CCDC7: variants seen among roughly 807,000 people sequenced by gnomAD.
The protein encoded by CCDC7 is coiled-coil domain-containing protein 7.
A neutral mutation model predicts 196.9 loss-of-function variants in CCDC7; 183 were observed. The ratio of observed to expected loss-of-function variants is 0.93; its 90% CI spans 0.82 to 1.05. CCDC7 has a LOEUF of 1.05. CCDC7 is among the 50% of genes least tolerant of loss of function. The pLI, the probability that CCDC7 is intolerant of heterozygous loss-of-function variation, is 0.00. For synonymous variants in CCDC7, 525 were observed against 484.6 expected, an observed-to-expected ratio of 1.08 and a Z score of -1.10; for missense variants, 1,540 against 1,482.2, an observed-to-expected ratio of 1.04 and a Z score of -0.64.
At position 32,523,915 on chromosome 10, in the gene CCDC7, G is replaced by GT. The variant is rs919380535; in HGVS notation, c.993+5420dup. Among the ~76,000 whole-genome samples, 96 of 144,396 alleles carry GT rather than the reference G, an allele frequency of 6.6e-4. 1 individual carries two copies. Among genetic ancestry groups the GT allele is most frequent in the African/African-American group, 1.7e-3 (65 of 39,364 alleles). The allele number at this position is 144,396 out of a possible 152,430, so 94.7% of individuals were successfully genotyped here. A position where few individuals can be genotyped will look rare whatever the true frequency, so the allele number is the denominator to read the frequency against. Reference sequence around the variant, plus strand: ...TGTAGGCAACAAATTATTGGTTCTTGTTTTTTTTTTAATCCATTCAGCCAT... The same window carrying GT: ...TGTAGGCAACAAATTATTGGTTCTTGTTTTTTTTTTTAATCCATTCAGCCAT... On this transcript the variant is annotated intron_variant, in intron 11 of 41. Transcript: ENST00000639629.
At chr10:32,611,855 A>G (rs1251782452) in intron 18 of CCDC7, among the ~76,000 whole-genome samples, 6 of 152,204 alleles carry the variant, frequency 3.9e-5, no homozygotes, top group Non-Finnish European at 7.3e-5. Context: ...AGGTAGCATG[A>G]TGCCTCTAGC....
intron 9 of CCDC7, among the ~76,000 whole-genome samples, chr10:32,493,114 C>T (rs970563379): frequency 1.3e-4 from 19 of 151,670 alleles, no homozygotes; most frequent in African/African-American, 4.6e-4. Context: ...TCTCTAGAAA[C>T]TTTCCCTTTG....
chr10:32,689,150 G>T, exon 23 of CCDC7: 1 of 1,567,312 alleles, frequency 6.4e-7, no homozygotes, highest in Non-Finnish European at 8.8e-7. Context: ...CTCTCAAAGG[G>T]CAAAGAATTA....
intron 33 of CCDC7, among the ~76,000 whole-genome samples, chr10:32,840,902 T>C (rs180842329): frequency 8.3e-4 from 126 of 151,730 alleles, no homozygotes; most frequent in Non-Finnish European, 1.7e-3. Context: ...AAGACAACAA[T>C]CACATGATAT....
At chr10:32,864,701 G>T (rs949839427) in intron 41 of CCDC7, among the ~76,000 whole-genome samples, 1 of 151,592 alleles carries the variant, frequency 6.6e-6, no homozygotes, top group Non-Finnish European at 1.5e-5. Context: ...TAAATTAGAA[G>T]AATAATTAGG....
intron 9 of CCDC7, among the ~76,000 whole-genome samples, chr10:32,500,005 C>T (rs552968538): frequency 2.0e-5 from 3 of 152,364 alleles, no homozygotes. Flanking sequence ...CTACTTCTTT[C>T]TACACAGACA....
At chr10:32,579,521 C>A (rs1452471014) in intron 16 of CCDC7, among the ~76,000 whole-genome samples, 1 of 152,036 alleles carries the variant, frequency 6.6e-6, no homozygotes, top group Non-Finnish European at 1.5e-5. Flanking sequence ...ATATAGAGTA[C>A]AAAAATAGTA....
At chr10:32,703,868 T>C (rs967314994) in intron 24 of CCDC7, among the ~76,000 whole-genome samples, 2 of 152,106 alleles carry the variant, frequency 1.3e-5, no homozygotes, top group Non-Finnish European at 2.9e-5. Flanking sequence ...AGCTCCATCA[T>C]GTCCTTTAAG....
At chr10:32,597,940 T>G (rs1267868036) in intron 18 of CCDC7, among the ~76,000 whole-genome samples, 1 of 152,190 alleles carries the variant, frequency 6.6e-6, no homozygotes, top group African/African-American at 2.4e-5. Context: ...CCAATTAGGC[T>G]ACTCAGGGGT....
At chr10:32,833,346 C>CTT (rs150655306) in intron 32 of CCDC7, among the ~76,000 whole-genome samples, 4 of 23,922 alleles carry the variant, frequency 1.7e-4, no homozygotes, top group Non-Finnish European at 3.0e-4. Flanking sequence ...ATATATTACC[C>CTT]TTTTTTTAAA....
At chr10:32,665,784 CA>C (rs1171432142) in intron 21 of CCDC7, among the ~76,000 whole-genome samples, 1 of 151,920 alleles carries the variant, frequency 6.6e-6, no homozygotes, top group Non-Finnish European at 1.5e-5. Flanking sequence ...GGATTAAATT[CA>C]TAACTGATGG....
chr10:32,752,653 G>A (rs1017150404), intron 28 of CCDC7, among the ~76,000 whole-genome samples: 3 of 152,056 alleles, frequency 2.0e-5, no homozygotes, highest in South Asian at 4.2e-4. Context: ...GATAGAAATA[G>A]GCCTGTGAAA....
intron 30 of CCDC7, among the ~76,000 whole-genome samples, chr10:32,807,932 T>C (rs757196961): frequency 1.1e-4 from 17 of 152,126 alleles, no homozygotes; most frequent in Non-Finnish European, 1.8e-4. Context: ...GGTTTTTCCA[T>C]GTTGGCCAGG....
In CCDC7 at chr10:32,824,503, T is replaced by C. The variant is rs2090810782; in HGVS notation, c.3182-15T>C. ...CATTAAAAAAGTGTTTTGAAATCTG[T>C]TTACTTTTTTATAGAGACTGATGAA... is the stretch of plus-strand genomic sequence containing the variant. On this transcript the variant is annotated splice_polypyrimidine_tract_variant and intron_variant, in intron 31 of 41. Transcript: ENST00000639629. 4.5e-6 allele frequency: 7 copies of C among 1,567,446 alleles called. No homozygotes were observed. Among genetic ancestry groups the C allele is most frequent in the Non-Finnish European group, 6.1e-6 (7 of 1,146,236 alleles).
intron 28 of CCDC7, among the ~76,000 whole-genome samples, chr10:32,731,984 C>T (rs1049904247): frequency 2.0e-5 from 3 of 152,086 alleles, no homozygotes; most frequent in South Asian, 2.1e-4. Context: ...ATCCGTGAAG[C>T]GCAGGTTGCA....
chr10:32,876,525 A>C, downstream of CCDC7: 1 of 846,844 alleles, frequency 1.2e-6, no homozygotes, highest in East Asian at 2.7e-5. Flanking sequence ...AAACAGCTGG[A>C]AATACAGTGG....
At chr10:32,630,038 T>TA (rs2064629398) in intron 18 of CCDC7, among the ~76,000 whole-genome samples, 2 of 152,306 alleles carry the variant, frequency 1.3e-5, no homozygotes, top group African/African-American at 4.8e-5. Context: ...GACTCCCAGA[T>TA]ATTGGCTTGT....
At chr10:32,734,607 TA>T (rs1201654856) in intron 28 of CCDC7, among the ~76,000 whole-genome samples, 2 of 152,106 alleles carry the variant, frequency 1.3e-5, no homozygotes, top group East Asian at 3.9e-4. Flanking sequence ...TAAAAATAAA[TA>T]AATAGGCTGG....
chr10:32,838,635 A>G (rs1320214197), intron 33 of CCDC7, among the ~76,000 whole-genome samples: 3 of 152,076 alleles, frequency 2.0e-5, no homozygotes, highest in Non-Finnish European at 2.9e-5. Flanking sequence ...CTCAAAGAAC[A>G]CCTGGGAAAT....
Sources: allele counts gnomAD v4.1 joint callset (sites outside exome capture counted in the v4.1 genomes callset), GRCh38; gene constraint gnomAD v4.1.1; transcripts MANE v1.5; gene names NCBI Gene and HGNC (gene_info 2026-07-23, HGNC 2026-07-21).